GOLGA5: variants seen among roughly 807,000 people sequenced by gnomAD.
The protein encoded by GOLGA5 is golgin A5.
In GOLGA5, 50 loss-of-function variants were observed where a neutral mutation model predicts 93.5. The observed-to-expected ratio is 0.53, with a 90% CI of 0.43 to 0.68. The LOEUF is 0.68. Ranked by LOEUF, GOLGA5 falls within the 30% of genes least tolerant of loss-of-function variation. The pLI is 0.00. For synonymous variants in GOLGA5, 312 were observed against 304.5 expected (o/e 1.02, Z -0.26); for missense variants, 760 against 856.4 (o/e 0.89, Z 1.40).
At chr14:92,809,579 T>C in intron 4 of GOLGA5, 60 bp downstream of exon 4, 2 of 1,009,642 alleles carry the variant, frequency 2.0e-6, no homozygotes, top group East Asian at 5.1e-5. Context: ...TTGTAGTGTA[T>C]CCACTTATGA....
chr14:92,811,405 C>T, intron 5 of GOLGA5, 146 bp from the exon 6 acceptor site: 1 of 617,320 alleles, frequency 1.6e-6, no homozygotes, highest in Non-Finnish European at 2.9e-6. Flanking sequence ...TATACTTTAG[C>T]TCCTAACAAA....
intron 7 of GOLGA5, among the ~76,000 whole-genome samples, chr14:92,817,595 C>T (rs933543902): frequency 6.6e-6 from 1 of 152,174 alleles, no homozygotes; most frequent in Non-Finnish European, 1.5e-5. Context: ...AGGAAGGAGT[C>T]TCTGAAGGTG....
In GOLGA5 at chr14:92,809,321, G is replaced by T; in HGVS notation, c.794G>T (p.Arg265Ile). The T allele has an allele frequency of 6.2e-7, 1 of 1,611,902 alleles. No individual in the cohort carries two copies. The highest frequency in any genetic ancestry group is 8.5e-7 in the Non-Finnish European group (1 of 1,177,954). Residue 265 changes from arginine to isoleucine, a missense_variant, in exon 4 of 13, where the codon AGA becomes ATA. Arg to Ile is a moderately conservative substitution (Grantham distance 97). Coordinates refer to ENST00000163416, the MANE Select transcript of GOLGA5 (RefSeq NM_005113.4). Reference sequence around the variant, plus strand: ...ATAGAATTAAACAAAGCAAGAGCAAGAGTTGAAAAGTGGAATGCTGACCAT... The same window carrying T: ...ATAGAATTAAACAAAGCAAGAGCAATAGTTGAAAAGTGGAATGCTGACCAT... ...TQEELNKARA[R>I]VEKWNADHSK...
intron 12 of GOLGA5, among the ~76,000 whole-genome samples, chr14:92,839,002 T>G (rs1190304393): frequency 1.3e-5 from 2 of 152,256 alleles, no homozygotes; most frequent in African/African-American, 4.8e-5. Context: ...CACCGAACAT[T>G]GGTTAAACTC....
intron 8 of GOLGA5, among the ~76,000 whole-genome samples, chr14:92,823,666 C>T (rs1436193569): frequency 6.6e-6 from 1 of 152,116 alleles, no homozygotes; most frequent in Non-Finnish European, 1.5e-5. Flanking sequence ...TCACCCACTT[C>T]AGCCTCCCCA....
Position 92,809,378 on chromosome 14 carries a change from G to A in GOLGA5, c.851G>A (p.Arg284Gln), listed in dbSNP as rs114206362. Residue 284 changes from arginine (R) to glutamine (Q), a missense_variant, in exon 4 of 13, where the codon CGA (arginine) becomes CAA (glutamine). Physicochemically the swap from Arg to Gln is conservative, Grantham distance 43. Coordinates refer to ENST00000163416, the MANE Select transcript of GOLGA5 (RefSeq NM_005113.4). ...SKSDRMTRGL[R>Q]AQVDDLTEAV... Reference sequence around the variant, plus strand: ...AGTGATCGAATGACTCGAGGACTCCGAGCCCAAGTAGATGACCTGACTGAA... The same window carrying A: ...AGTGATCGAATGACTCGAGGACTCCAAGCCCAAGTAGATGACCTGACTGAA... The A allele has an allele frequency of 1.0e-3, 1,636 of 1,613,496 alleles. 13 individuals carry two copies. In the African/African-American group the frequency reaches 0.019, roughly 19 times the overall value.
intron 1 of GOLGA5, among the ~76,000 whole-genome samples, chr14:92,796,430 C>T (rs1164532407): frequency 6.6e-6 from 1 of 152,136 alleles, no homozygotes; most frequent in African/African-American, 2.4e-5. Flanking sequence ...AGGCGTACTT[C>T]TTTTGCTTGC....
intron 4 of GOLGA5, among the ~76,000 whole-genome samples, 188 bp downstream of exon 4, chr14:92,809,707 A>C (rs1325991571): frequency 6.6e-6 from 1 of 152,156 alleles, no homozygotes; most frequent in Non-Finnish European, 1.5e-5. Context: ...TAATCCTAGC[A>C]CTTTGGGAAG....
intron 2 of GOLGA5, among the ~76,000 whole-genome samples, chr14:92,801,673 T>A (rs1366177010): frequency 6.6e-6 from 1 of 152,022 alleles, no homozygotes; most frequent in African/African-American, 2.4e-5. Context: ...TACACTGAGA[T>A]CATAAAGATA....
intron 4 of GOLGA5, 144 bp from the exon 5 acceptor site, chr14:92,810,110 T>C (rs1885073033): frequency 6.9e-6 from 4 of 578,052 alleles, no homozygotes; most frequent in Middle Eastern, 4.4e-4. Context: ...TTATGTTCCA[T>C]TAGAAAGGAA....
intron 9 of GOLGA5, among the ~76,000 whole-genome samples, chr14:92,832,013 G>T (rs986217043): frequency 6.6e-6 from 1 of 152,176 alleles, no homozygotes; most frequent in African/African-American, 2.4e-5. Context: ...CTGTATTGAT[G>T]TAGACAATGA....
rs1241519534 is a variant in GOLGA5, at chr14:92,797,395, G to A, written c.-30-13G>A. ...CACTATGCCACACTGATCATTTTAT[G>A]TCCTTTTTACAGGTTTGCCAATAGG... On this transcript the variant is annotated splice_polypyrimidine_tract_variant and intron_variant, in intron 1 of 12. Coordinates refer to ENST00000163416, the MANE Select transcript of GOLGA5 (RefSeq NM_005113.4). 6.9e-7 allele frequency: 1 copy of A among 1,440,642 alleles called. No homozygotes were observed. Among genetic ancestry groups the A allele is most frequent in the Non-Finnish European group, 9.5e-7 (1 of 1,051,316 alleles). The allele number at this position is 1,440,642 out of a possible 1,614,324, so 89.2% of individuals were successfully genotyped here.
chr14:92,837,911 C>A (rs1416453780), intron 12 of GOLGA5, among the ~76,000 whole-genome samples: 1 of 152,112 alleles, frequency 6.6e-6, no homozygotes, highest in Non-Finnish European at 1.5e-5. Context: ...ATTAAGATTT[C>A]TTTTGGTAGA....
chr14:92,805,498 A>G (rs935948928), intron 2 of GOLGA5, among the ~76,000 whole-genome samples: 4 of 152,132 alleles, frequency 2.6e-5, no homozygotes, highest in Non-Finnish European at 5.9e-5. Context: ...TTTCTCTTGT[A>G]TAAATACCTA....
intron 2 of GOLGA5, among the ~76,000 whole-genome samples, chr14:92,804,655 CTTTTTTTTTTT>C (rs765326844): frequency 8.7e-6 from 1 of 114,320 alleles, no homozygotes; most frequent in South Asian, 2.6e-4. Context: ...TAATTTCTTT[CTTTTTTTTTTT>C]TTTTTTTTGA....
chr14:92,814,167 C>T (rs1402891222), intron 6 of GOLGA5, among the ~76,000 whole-genome samples: 3 of 151,904 alleles, frequency 2.0e-5, no homozygotes, highest in Non-Finnish European at 2.9e-5. Context: ...TAGGCAAGAG[C>T]GATGTGTAAC....
chr14:92,816,006 GA>G (rs917531674), intron 6 of GOLGA5, among the ~76,000 whole-genome samples: 1 of 149,548 alleles, frequency 6.7e-6, no homozygotes, highest in South Asian at 2.1e-4. Context: ...CACCCAGCTG[GA>G]AAAAAAAAAT....
At chr14:92,813,164 A>C (rs1885136671) in intron 6 of GOLGA5, among the ~76,000 whole-genome samples, 1 of 151,998 alleles carries the variant, frequency 6.6e-6, no homozygotes, top group South Asian at 2.1e-4. Context: ...TATCATATTG[A>C]TCTCCTCCTC....
In GOLGA5 at chr14:92,797,982, G is replaced by A; in HGVS notation, c.544+1G>A. ...AATTCTTTTGGGAGCCAAACCCACG[G>A]TAGTTAATCAGTCCTCTTATTTCTT... On this transcript the variant is annotated splice_donor_variant, in intron 2 of 12. Coordinates refer to ENST00000163416, the MANE Select transcript of GOLGA5 (RefSeq NM_005113.4). LOFTEE classifies it high-confidence loss of function. 1 of 1,560,476 alleles carries A rather than the reference G, an allele frequency of 6.4e-7. No homozygotes were observed. Among genetic ancestry groups the A allele is most frequent in the Non-Finnish European group, 8.7e-7 (1 of 1,154,574 alleles).
Sources: gnomAD v4.1 joint callset for allele counts (sites outside exome capture counted in the v4.1 genomes callset) on GRCh38, gnomAD v4.1.1 for gene constraint, MANE v1.5 for transcripts, NCBI Gene and HGNC (gene_info 2026-07-23, HGNC 2026-07-21) for gene names.